KIF21B: variants seen among roughly 807,000 people sequenced by gnomAD.
KIF21B encodes kinesin family member 21B, also known as kinesin-like protein KIF21B.
In KIF21B, 85 loss-of-function variants were observed where a neutral mutation model predicts 192.9. The observed-to-expected ratio is 0.44, with a 90% CI of 0.37 to 0.53. The LOEUF (loss-of-function observed/expected upper bound fraction) is 0.53. Ranked by LOEUF, KIF21B falls within the 20% of genes least tolerant of loss-of-function variation. The pLI is 0.00. For synonymous variants in KIF21B, 832 were observed against 884.6 expected, an observed-to-expected ratio of 0.94 and a Z score of 1.05; for missense variants, 1,716 against 2,194.8, an observed-to-expected ratio of 0.78 and a Z score of 4.36.
At chr1:200,973,819 G>A (rs550852960) in intron 34 of KIF21B, 47 of 1,430,228 alleles carry the variant, frequency 3.3e-5, no homozygotes, top group African/African-American at 7.3e-5. Flanking sequence ...TTTTTGGGGG[G>A]GTGTTTCGTT....
chr1:200,981,332 G>T (rs1382105014), intron 28 of KIF21B, among the ~76,000 whole-genome samples: 1 of 152,226 alleles, frequency 6.6e-6, no homozygotes, highest in African/African-American at 2.4e-5. Context: ...GAGCACTTCT[G>T]GGGAAGCAAA....
intron 1 of KIF21B, among the ~76,000 whole-genome samples, chr1:201,018,753 G>A (rs1229974726): frequency 6.6e-6 from 1 of 152,190 alleles, no homozygotes; most frequent in Admixed American, 6.5e-5. Context: ...CACAGAGTAA[G>A]TGTTCAATAC....
intron 17 of KIF21B, among the ~76,000 whole-genome samples, chr1:200,991,431 G>C (rs1656688613): frequency 6.6e-6 from 1 of 152,260 alleles, no homozygotes; most frequent in Non-Finnish European, 1.5e-5. Flanking sequence ...TAATAGGTTG[G>C]ACACAATTTG....
intron 3 of KIF21B, among the ~76,000 whole-genome samples, chr1:201,006,197 A>G (rs1446179372): frequency 2.6e-5 from 4 of 152,220 alleles, no homozygotes; most frequent in African/African-American, 9.6e-5. Flanking sequence ...GCCTTGCCCT[A>G]TGCTTGGCAG....
At chr1:201,009,724 C>A (rs189310905) in intron 1 of KIF21B, among the ~76,000 whole-genome samples, 13 of 152,368 alleles carry the variant, frequency 8.5e-5, no homozygotes, top group Non-Finnish European at 1.8e-4. Flanking sequence ...TATATCAGAT[C>A]TGTGTTCAGA....
intron 1 of KIF21B, among the ~76,000 whole-genome samples, chr1:201,011,758 G>A (rs1658248564): frequency 6.6e-6 from 1 of 152,244 alleles, no homozygotes; most frequent in African/African-American, 2.4e-5. Context: ...CAGCTCTGCT[G>A]GCTAGCACCA....
chr1:200,998,239 G>T lies in KIF21B; in HGVS notation c.2077+145C>A. ...TTAGACGTAAGAACCTTTAACTGTG[G>T]GTCAAAGGACCACAGTCAAAGGTTG... On this transcript the variant is annotated intron_variant, in intron 14 of 34. Transcript: ENST00000461742. The surrounding 1 kb of genome is among the most constrained non-coding windows in gnomAD (Gnocchi z 4.3). The T allele has an allele frequency of 1.4e-6, 1 of 730,940 alleles. No homozygotes were observed. The highest frequency in any genetic ancestry group is 2.3e-6 in the Non-Finnish European group (1 of 437,542). The allele number at this position is 730,940 out of a possible 1,614,324, so 45.3% of individuals were successfully genotyped here. A position where few individuals can be genotyped will look rare whatever the true frequency, so the allele number is the denominator to read the frequency against.
intron 21 of KIF21B, 31 bp from the exon 22 acceptor site, chr1:200,988,962 C>G: frequency 6.3e-6 from 10 of 1,586,612 alleles, no homozygotes; most frequent in Non-Finnish European, 8.6e-6. Context: ...CTGGAGTTAC[C>G]CCTCCTGGGG....
chr1:200,981,393 A>G (rs1655916529), intron 28 of KIF21B, among the ~76,000 whole-genome samples: 1 of 152,342 alleles, frequency 6.6e-6, no homozygotes. Context: ...CTCTGTCCAC[A>G]GAGAGTTCCT....
intron 1 of KIF21B, among the ~76,000 whole-genome samples, chr1:201,018,228 C>T (rs944405215): frequency 6.6e-6 from 1 of 152,152 alleles, no homozygotes; most frequent in Non-Finnish European, 1.5e-5. Context: ...GACTTGGCTG[C>T]CCCCAGAATA....
Position 200,975,812 on chromosome 1 carries a change from C to A in KIF21B, c.4444-143G>T. The A allele has an allele frequency of 1.3e-6, 1 of 774,230 alleles. No homozygotes were observed. Among genetic ancestry groups the A allele is most frequent in the Admixed American group, 3.1e-5 (1 of 32,246 alleles). 48.0% of individuals were successfully genotyped at this position (774,230 alleles called of 1,614,324 possible). On this transcript the variant is annotated intron_variant, in intron 32 of 34. Coordinates refer to ENST00000461742, the MANE Select transcript of KIF21B (RefSeq NM_001252102.2). The surrounding 1 kb of genome is among the most constrained non-coding windows in gnomAD (Gnocchi z 4.3). ...CCCTCTGGGGAGAGGAGCTTCCCAG[C>A]AGGCGAGGGTTCCTGGAGGTGGGGC... is the stretch of plus-strand genomic sequence containing the variant.
At chr1:200,980,611 GTGC>G (rs1266792865) in intron 29 of KIF21B, among the ~76,000 whole-genome samples, 1 of 152,228 alleles carries the variant, frequency 6.6e-6, no homozygotes, top group African/African-American at 2.4e-5. Flanking sequence ...ACTTTGTAAA[GTGC>G]TGCTGCTGAG....
Position 201,005,765 on chromosome 1 carries a change from A to G in KIF21B, c.448-71T>C, listed in dbSNP as rs543854089. 38 of 1,479,986 alleles carry G rather than the reference A, an allele frequency of 2.6e-5. No homozygotes were observed. In the Admixed American group the frequency reaches 6.8e-4, roughly 27 times the overall value. The allele number at this position is 1,479,986 out of a possible 1,614,324, so 91.7% of individuals were successfully genotyped here. On this transcript the variant is annotated intron_variant, in intron 3 of 34. Coordinates refer to ENST00000461742, the MANE Select transcript of KIF21B (RefSeq NM_001252102.2). The stretch of plus-strand genomic sequence containing the variant: ...CCCCAGGTGGCTGCCACATGCCTAT[A>G]AACCATATCTGTTTTACAGATGTGG...
chr1:201,022,918 G>A (rs2102492393), intron 1 of KIF21B, among the ~76,000 whole-genome samples: 1 of 152,348 alleles, frequency 6.6e-6, no homozygotes, highest in Non-Finnish European at 1.5e-5. Context: ...TTTGCTAGCT[G>A]GACCAAGAGC....
In KIF21B at chr1:200,986,841, C is replaced by T; in HGVS notation, c.3689+3G>A. ...TGGAGCAGATTCTAGAACATGATCT[C>T]ACCTAATGGGCTGCCCTCGGTCGTA... On this transcript the variant is annotated splice_donor_region_variant and intron_variant, in intron 26 of 34. Transcript: ENST00000461742. The T allele has an allele frequency of 6.2e-7, 1 of 1,611,736 alleles. No individual in the cohort carries two copies. The highest frequency in any genetic ancestry group is 8.5e-7 in the Non-Finnish European group (1 of 1,178,666).
At chr1:201,009,039 T>G in intron 2 of KIF21B, 88 bp from the exon 3 acceptor site, 7 of 1,443,000 alleles carry the variant, frequency 4.9e-6, no homozygotes, top group Non-Finnish European at 6.5e-6. Context: ...CCTTAGCTCA[T>G]CTACCTCCCA....
rs1385139545 is a variant in KIF21B at position 201,023,313 on chromosome 1, C to A, written c.41+30G>T. 1.5e-5 allele frequency: 23 copies of A among 1,518,664 alleles called. No individual in the cohort carries two copies. The highest frequency in any genetic ancestry group is 1.9e-5 in the Non-Finnish European group (22 of 1,134,132). 94.1% of individuals were successfully genotyped at this position (1,518,664 alleles called of 1,614,324 possible). A position where few individuals can be genotyped will look rare whatever the true frequency, so the allele number is the denominator to read the frequency against. On this transcript the variant is annotated intron_variant, in intron 1 of 34. Coordinates refer to ENST00000461742, the MANE Select transcript of KIF21B (RefSeq NM_001252102.2). This position sits in a 1 kb window ranked among gnomAD's most constrained non-coding sequence, Gnocchi z 5.9. ...CGAGACAAAGCCCGAGGCTTCTCCG[C>A]GCGCCCCCTTCCCCGCCCCGGGTCC... is the stretch of plus-strand genomic sequence containing the variant.
chr1:201,022,214 T>C (rs1345173081), intron 1 of KIF21B, among the ~76,000 whole-genome samples: 3 of 152,112 alleles, frequency 2.0e-5, no homozygotes, highest in Non-Finnish European at 4.4e-5. Flanking sequence ...TTGCCATCTC[T>C]GACTCTGTCT....
chr1:201,004,330 C>CA lies in KIF21B; in HGVS notation c.1016+9dup. The CA allele has an allele frequency of 6.4e-7, 1 of 1,553,494 alleles. No homozygotes were observed. Among genetic ancestry groups the CA allele is most frequent in the Non-Finnish European group, 8.7e-7 (1 of 1,146,616 alleles). On this transcript the variant is annotated intron_variant, in intron 7 of 34. Transcript: ENST00000461742. Reference sequence around the variant, plus strand: ...CCCTGTCCCTTCCCTGGGTGTTGGTCACCAGATACCTGTTGCCCCCCAGCG... The same window carrying CA: ...CCCTGTCCCTTCCCTGGGTGTTGGTCAACCAGATACCTGTTGCCCCCCAGCG...
Sources: allele counts gnomAD v4.1 joint callset (sites outside exome capture counted in the v4.1 genomes callset), GRCh38; gene constraint gnomAD v4.1.1; non-coding constraint Gnocchi (gnomAD v3.1); transcripts MANE v1.5; gene names NCBI Gene and HGNC (gene_info 2026-07-23, HGNC 2026-07-21).